The following ALKBH7 variants were observed in gnomAD, a reference collection of about 807,000 sequenced individuals.
ALKBH7 encodes alkB homolog 7, RNA demethylase.
ALKBH7 carries 21 observed loss-of-function variants against 19.3 expected under a neutral mutation model. The ratio of observed to expected loss-of-function variants is 1.09; its 90% CI spans 0.77 to 1.56. The LOEUF (loss-of-function observed/expected upper bound fraction) is 1.56. Ranked by LOEUF, ALKBH7 falls within the 40% of genes most tolerant of loss-of-function variation. The pLI is 0.00. For synonymous variants in ALKBH7, 147 were observed against 139.5 expected (o/e 1.05, Z -0.38); for missense variants, 354 against 311.4 (o/e 1.14, Z -1.03).
chr19:6,375,107 C>T lies in ALKBH7; in HGVS notation c.*134C>T, dbSNP rs565030563. 1 of 1,348,540 alleles carries T rather than the reference C, an allele frequency of 7.4e-7. No homozygotes were observed. The highest frequency in any genetic ancestry group is 1.5e-5 in the African/African-American group (1 of 68,108). 83.5% of individuals were successfully genotyped at this position (1,348,540 alleles called of 1,614,324 possible). Reference sequence around the variant, plus strand: ...CAGGATGGCACTGGCCCATAGGGAGCTCCAGGTGTGGCTGGCTGGACACAT... The same window carrying T: ...CAGGATGGCACTGGCCCATAGGGAGTTCCAGGTGTGGCTGGCTGGACACAT... On this transcript the variant is annotated 3_prime_UTR_variant, in exon 4 of 4. Transcript: ENST00000245812.
chr19:6,372,985 G>C lies in ALKBH7; in HGVS notation c.165G>C (p.Glu55Asp), dbSNP rs1178668873. ...EETLSRELEPELRRRRYEYDH... is the reference protein window; with the variant it reads ...EETLSRELEPDLRRRRYEYDH... Reference sequence around the variant, plus strand: ...CGCTGAGCCGAGAACTGGAGCCCGAGCTGCGCCGCCGCCGCTACGAATACG... The same window carrying C: ...CGCTGAGCCGAGAACTGGAGCCCGACCTGCGCCGCCGCCGCTACGAATACG... The change falls in exon 1 of 4, where the codon GAG becomes GAC. Residue 55 changes from glutamate to aspartate, a missense_variant. Physicochemically the swap from Glu to Asp is conservative, Grantham distance 45. Coordinates refer to ENST00000245812, the MANE Select transcript of ALKBH7 (RefSeq NM_032306.4). The C allele has an allele frequency of 6.4e-7, 1 of 1,574,658 alleles. No individual in the cohort carries two copies. The highest frequency in any genetic ancestry group is 8.6e-7 in the Non-Finnish European group (1 of 1,163,088).
chr19:6,373,584 G>A (rs1385339377), intron 1 of ALKBH7: 70 of 1,182,476 alleles, frequency 5.9e-5, no homozygotes, highest in Non-Finnish European at 7.2e-5. Flanking sequence ...ATGGGGCGGG[G>A]CCAAGCTTGG....
intron 1 of ALKBH7, 22 bp from the exon 2 acceptor site, chr19:6,374,181 C>T (rs1452206389): frequency 6.2e-7 from 1 of 1,605,302 alleles, no homozygotes; most frequent in Non-Finnish European, 8.5e-7. Context: ...AGCTCCCAGG[C>T]TTAACCGAGC....
At chr19:6,373,644 G>C (rs565216357) in intron 1 of ALKBH7, 200 of 1,250,004 alleles carry the variant, frequency 1.6e-4, no homozygotes, top group Non-Finnish European at 1.8e-4. Flanking sequence ...CCATGCTGTG[G>C]GGGGGACGGG....
In ALKBH7 at chr19:6,374,356, C is replaced by A. The variant is rs994874498; in HGVS notation, c.358C>A (p.Pro120Thr). 1.2e-6 allele frequency: 2 copies of A among 1,610,126 alleles called. No individual in the cohort carries two copies. The highest frequency in any genetic ancestry group is 1.7e-5 in the Admixed American group (1 of 59,294). The change falls in exon 2 of 4, where the codon CCC (proline) becomes ACC (threonine). Residue 120 changes from proline to threonine, a missense_variant. Physicochemically the swap from Pro to Thr is conservative, Grantham distance 38. Coordinates refer to ENST00000245812, the MANE Select transcript of ALKBH7 (RefSeq NM_032306.4). Reference protein sequence around the residue: ...LDLEARGYIKPHVDSIKFCGA... With the variant: ...LDLEARGYIKTHVDSIKFCGA... ...CCTGGAAGCCCGCGGCTACATCAAG[C>A]CCCACGTGGACAGCATCAAGGTGGG...
chr19:6,372,895 G>A lies in ALKBH7; in HGVS notation c.75G>A (p.Val25=). 1 of 1,552,576 alleles carries A rather than the reference G, an allele frequency of 6.4e-7. No homozygotes were observed. Among genetic ancestry groups the A allele is most frequent in the South Asian group, 1.2e-5 (1 of 84,542 alleles). Residue 25 remains valine, a synonymous_variant, in exon 1 of 4, where the codon GTG becomes GTA. Transcript: ENST00000245812. ...PSWVRGSGPS[V]LSRLQDAAVV... is the part of the protein sequence containing the mutation. ...GGGTGCGAGGCTCGGGCCCTTCCGT[G>A]CTGAGCCGCCTGCAGGACGCGGCCG...
chr19:6,374,164 C>T (rs908557760), intron 1 of ALKBH7, 39 bp from the exon 2 acceptor site: 4 of 1,598,434 alleles, frequency 2.5e-6, no homozygotes, highest in East Asian at 4.5e-5. Context: ...TCCTTGTTCC[C>T]TCTGGGAGCT....
Position 6,374,976 on chromosome 19 carries a change from C to T in ALKBH7, c.*3C>T, listed in dbSNP as rs2091914546. The stretch of plus-strand genomic sequence containing the variant: ...GACAGCCGCCCCCAGCCTGCTGACC[C>T]CCAGCTTTCTACAGACACCAGATTT... On this transcript the variant is annotated 3_prime_UTR_variant, in exon 4 of 4. Coordinates refer to ENST00000245812, the MANE Select transcript of ALKBH7 (RefSeq NM_032306.4). 6.3e-7 allele frequency: 1 copy of T among 1,588,688 alleles called. No homozygotes were observed. Among genetic ancestry groups the T allele is most frequent in the Non-Finnish European group, 8.6e-7 (1 of 1,164,872 alleles).
At position 6,372,944 on chromosome 19, in the gene ALKBH7, A is replaced by G; in HGVS notation, c.124A>G (p.Thr42Ala). The G allele has an allele frequency of 1.9e-6, 3 of 1,571,134 alleles. No homozygotes were observed. The highest frequency in any genetic ancestry group is 1.9e-5 in the Admixed American group (1 of 53,692). Residue 42 changes from threonine (T) to alanine (A), a missense_variant, in exon 1 of 4, where the codon ACG (threonine) becomes GCG (alanine). Transcript: ENST00000245812. The stretch of plus-strand genomic sequence containing the variant: ...CGTGGTGCGGCCTGGCTTCCTGAGC[A>G]CGGCAGAGGAGGAGACGCTGAGCCG... Reference protein sequence around the residue: ...AAVVRPGFLSTAEEETLSREL... With the variant: ...AAVVRPGFLSAAEEETLSREL...
At chr19:6,373,131 G>A in intron 1 of ALKBH7, 107 bp downstream of exon 1, 2 of 1,401,490 alleles carry the variant, frequency 1.4e-6, no homozygotes, top group Non-Finnish European at 1.9e-6. Context: ...GGTACCTAGA[G>A]CGGGGATTTG....
Position 6,372,871 on chromosome 19 carries a change from G to T in ALKBH7, c.51G>T (p.Trp17Cys), listed in dbSNP as rs369925070. ...LALRTLPGPS[W>C]VRGSGPSVLS... ...TGCGGACGCTGCCAGGGCCCAGCTG[G>T]GTGCGAGGCTCGGGCCCTTCCGTGC... The change falls in exon 1 of 4, where the codon TGG becomes TGT. Residue 17 changes from tryptophan (W) to cysteine (C), a missense_variant. Coordinates refer to ENST00000245812, the MANE Select transcript of ALKBH7 (RefSeq NM_032306.4). 5.2e-6 allele frequency: 8 copies of T among 1,550,854 alleles called. No individual in the cohort carries two copies. Among genetic ancestry groups the T allele is most frequent in the Middle Eastern group, 4.6e-4 (2 of 4,388 alleles).
chr19:6,374,410 C>G (rs2091909722), intron 2 of ALKBH7, 34 bp downstream of exon 2: 2 of 1,603,708 alleles, frequency 1.2e-6, no homozygotes, highest in African/African-American at 1.3e-5. Flanking sequence ...CACTCCCAGC[C>G]AGGGGGTAGG....
chr19:6,374,263 C>G lies in ALKBH7; in HGVS notation c.265C>G (p.Leu89Val), dbSNP rs553069430. The G allele has an allele frequency of 6.4e-5, 104 of 1,613,486 alleles. No homozygotes were observed. In the Admixed American group the frequency reaches 7.8e-4, roughly 12 times the overall value. ...CTGGTCAGAAGCCAGCCGGGCCATCCTGCAGCGCGTGCAGGCGGCCGCCTT... is the reference window on the plus strand; with the variant it reads ...CTGGTCAGAAGCCAGCCGGGCCATCGTGCAGCGCGTGCAGGCGGCCGCCTT... ...SRWSEASRAI[L>V]QRVQAAAFGP... The change falls in exon 2 of 4, where the codon CTG becomes GTG. Residue 89 changes from leucine (L) to valine (V), a missense_variant. Leu to Val is a conservative substitution (Grantham distance 32, BLOSUM62 1). Transcript: ENST00000245812.
chr19:6,373,784 G>C, intron 1 of ALKBH7: 3 of 1,287,718 alleles, frequency 2.3e-6, no homozygotes, highest in Non-Finnish European at 2.9e-6. Context: ...TATGGTGGGG[G>C]CTGGGCTGAA....
intron 1 of ALKBH7, 37 bp from the exon 2 acceptor site, chr19:6,374,166 C>G (rs1400582775): frequency 1.3e-6 from 2 of 1,598,634 alleles, no homozygotes; most frequent in East Asian, 4.5e-5. Flanking sequence ...CTTGTTCCCT[C>G]TGGGAGCTCC....
intron 1 of ALKBH7, 28 bp from the exon 2 acceptor site, chr19:6,374,174 TC>T: frequency 6.2e-7 from 1 of 1,602,254 alleles, no homozygotes; most frequent in Non-Finnish European, 8.5e-7. Context: ...CTCTGGGAGC[TC>T]CCAGGCTTAA....
At chr19:6,373,822 G>C (rs1650608441) in intron 1 of ALKBH7, 2 of 1,294,594 alleles carry the variant, frequency 1.5e-6, no homozygotes, top group African/African-American at 1.5e-5. Context: ...GGCGGGACCT[G>C]GGGGATGAGG....
At chr19:6,373,803 T>C (rs1908816887) in intron 1 of ALKBH7, 1 of 1,173,986 alleles carries the variant, frequency 8.5e-7, no homozygotes, top group Non-Finnish European at 1.0e-6. Context: ...AAACTCTGGC[T>C]GTGGGAGGGG....
At position 6,374,572 on chromosome 19, in the gene ALKBH7, C is replaced by T; in HGVS notation, c.486C>T (p.Gly162=). ...GGCTGGAACTCTTGCTGGAGCCGGG[C>T]TCCCTCTACATCCTTAGGTACCTCC... ...GEWLELLLEP[G]SLYILRGSAR... is the part of the protein sequence containing the mutation. The change falls in exon 3 of 4, where the codon GGC becomes GGT. Residue 162 remains glycine, a synonymous_variant. Transcript: ENST00000245812. 1 of 1,613,400 alleles carries T rather than the reference C, an allele frequency of 6.2e-7. No homozygotes were observed. The highest frequency in any genetic ancestry group is 8.5e-7 in the Non-Finnish European group (1 of 1,179,966).
Sources: gnomAD v4.1 joint callset for allele counts on GRCh38, gnomAD v4.1.1 for gene constraint, MANE v1.5 for transcripts, NCBI Gene and HGNC (gene_info 2026-07-23, HGNC 2026-07-21) for gene names.